Variants in IFTAP observed in about 807,000 individuals in gnomAD.
The protein encoded by IFTAP is intraflagellar transport associated protein.
IFTAP carries 19 observed loss-of-function variants against 19.4 expected under a neutral mutation model. The observed-to-expected ratio is 0.98, with a 90% confidence interval of 0.68 to 1.44. The LOEUF is 1.44. IFTAP is among the 40% of genes most tolerant of loss of function. The probability of loss-of-function intolerance (pLI) is 0.00; values close to 1 mark genes in which losing one functional copy is unlikely to be tolerated. For missense variants in IFTAP, 240 were observed against 253.6 expected, an observed-to-expected ratio of 0.95 and a Z score of 0.36; for synonymous variants, 85 against 83.5, an observed-to-expected ratio of 1.02 and a Z score of -0.10.
At chr11:36,634,056 G>A (rs1053527099) in intron 3 of IFTAP, among the ~76,000 whole-genome samples, 3 of 151,936 alleles carry the variant, frequency 2.0e-5, no homozygotes, top group African/African-American at 7.2e-5. Context: ...TTTCTAACAA[G>A]GGAACAAAAA....
At chr11:36,600,633 T>C (rs568509962) in intron 1 of IFTAP, among the ~76,000 whole-genome samples, 1 of 152,302 alleles carries the variant, frequency 6.6e-6, no homozygotes, top group East Asian at 1.9e-4. Context: ...ACATATATGA[T>C]AGTAGAATGA....
At chr11:36,643,737 A>T (rs1444405007) in intron 4 of IFTAP, among the ~76,000 whole-genome samples, 1 of 152,226 alleles carries the variant, frequency 6.6e-6, no homozygotes, top group Non-Finnish European at 1.5e-5. Context: ...AACTAAAACA[A>T]GAGATGGGGA....
chr11:36,633,035 G>A (rs534206768), intron 2 of IFTAP, among the ~76,000 whole-genome samples: 3 of 151,176 alleles, frequency 2.0e-5, no homozygotes, highest in East Asian at 1.9e-4. Context: ...TTTTAACAGC[G>A]ACCAAGAACA....
At chr11:36,636,700 T>C (rs1852966559) in intron 4 of IFTAP, among the ~76,000 whole-genome samples, 2 of 152,206 alleles carry the variant, frequency 1.3e-5, no homozygotes, top group African/African-American at 4.8e-5. Flanking sequence ...TTTTTTTGCT[T>C]TTAAAAATAT....
intron 5 of IFTAP, among the ~76,000 whole-genome samples, chr11:36,652,358 G>A (rs762462797): frequency 6.6e-6 from 1 of 152,160 alleles, no homozygotes; most frequent in Non-Finnish European, 1.5e-5. Flanking sequence ...CTGTTTGTCT[G>A]TTATTGGTGT....
chr11:36,648,090 C>G lies in IFTAP; in HGVS notation c.433C>G (p.Gln145Glu). The change falls in exon 5 of 6, where the codon CAG becomes GAG. Residue 145 changes from glutamine to glutamate, a missense_variant. Coordinates refer to ENST00000334307, the MANE Select transcript of IFTAP (RefSeq NM_138787.4). The stretch of plus-strand genomic sequence containing the variant: ...TCCTTCCTGTATCCCTTTTGTGGCC[C>G]AGCCTCCTACCTGTGAAGTGAAGCC... ...SIPSCIPFVAQPPTCEVKPKP... is the reference protein window; with the variant it reads ...SIPSCIPFVAEPPTCEVKPKP... 2 of 1,613,346 alleles carry G rather than the reference C, an allele frequency of 1.2e-6. No individual in the cohort carries two copies. Among genetic ancestry groups the G allele is most frequent in the Non-Finnish European group, 1.7e-6 (2 of 1,179,534 alleles).
intron 4 of IFTAP, 125 bp from the exon 5 acceptor site, chr11:36,647,891 T>C (rs1327712153): frequency 2.7e-6 from 3 of 1,114,166 alleles, no homozygotes. Context: ...GGACAGGCAT[T>C]GTGAAATGGA....
chr11:36,596,412 A>G (rs1300861386), intron 1 of IFTAP, among the ~76,000 whole-genome samples: 1 of 152,144 alleles, frequency 6.6e-6, no homozygotes, highest in Non-Finnish European at 1.5e-5. Flanking sequence ...CAAAGTTATG[A>G]AAACAAGCCT....
rs185579750 is a variant in IFTAP at position 36,600,792 on chromosome 11, C to T, written c.-24+6200C>T. Reference sequence around the variant, plus strand: ...AGGCAGAGTAAAACAGAGTAAACAACCTTTATCTTATGGGAAAAATAAAAA... The same window carrying T: ...AGGCAGAGTAAAACAGAGTAAACAATCTTTATCTTATGGGAAAAATAAAAA... On this transcript the variant is annotated intron_variant, in intron 1 of 5. Coordinates refer to ENST00000334307, the MANE Select transcript of IFTAP (RefSeq NM_138787.4). Among the ~76,000 whole-genome samples, 1,067 of 152,248 alleles carry T rather than the reference C, an allele frequency of 7.0e-3. 7 individuals are homozygous for T. The highest frequency in any genetic ancestry group is 0.01 in the Non-Finnish European group (693 of 68,024).
At chr11:36,641,791 C>T (rs563858870) in intron 4 of IFTAP, among the ~76,000 whole-genome samples, 39 of 152,108 alleles carry the variant, frequency 2.6e-4, no homozygotes, top group Non-Finnish European at 3.4e-4. Flanking sequence ...CTATTAGGTC[C>T]GCTTCGTGCA....
chr11:36,650,477 A>G lies in IFTAP; in HGVS notation c.498+2322A>G, dbSNP rs140274600. Among the ~76,000 whole-genome samples the G allele has an allele frequency of 4.3e-3, 652 of 151,148 alleles. 4 individuals are homozygous for G. The highest frequency in any genetic ancestry group is 0.015 in the African/African-American group (601 of 41,204). Reference sequence around the variant, plus strand: ...GTATGATCAAATCAGGGTAATTAGCATATCCATCACTTCAAACATTTAACA... The same window carrying G: ...GTATGATCAAATCAGGGTAATTAGCGTATCCATCACTTCAAACATTTAACA... On this transcript the variant is annotated intron_variant, in intron 5 of 5. Coordinates refer to ENST00000334307, the MANE Select transcript of IFTAP (RefSeq NM_138787.4).
chr11:36,618,137 T>C (rs896236356), intron 2 of IFTAP, among the ~76,000 whole-genome samples: 1 of 152,028 alleles, frequency 6.6e-6, no homozygotes, highest in Non-Finnish European at 1.5e-5. Context: ...CTGAATTGTG[T>C]GCCTCCCAAA....
chr11:36,622,090 A>ATT (rs34399300), intron 2 of IFTAP, among the ~76,000 whole-genome samples: 1 of 111,222 alleles, frequency 9.0e-6, no homozygotes, highest in African/African-American at 3.2e-5. Flanking sequence ...TCTATTTTTT[A>ATT]TTTTTTTTTT....
At chr11:36,616,591 T>G (rs1852100554) in intron 2 of IFTAP, among the ~76,000 whole-genome samples, 1 of 151,976 alleles carries the variant, frequency 6.6e-6, no homozygotes, top group Admixed American at 6.6e-5. Flanking sequence ...TTGAATAGGT[T>G]TCAGTTTTTC....
At chr11:36,633,092 T>A (rs1852791455) in intron 2 of IFTAP, among the ~76,000 whole-genome samples, 192 bp from the exon 3 acceptor site, 1 of 151,238 alleles carries the variant, frequency 6.6e-6, no homozygotes, top group African/African-American at 2.5e-5. Context: ...TTGAGTGACA[T>A]AATGTTATCT....
At position 36,648,014 on chromosome 11, in the gene IFTAP, A is replaced by G. The variant is rs1246121574; in HGVS notation, c.359-2A>G. ...TCAGTTGAAATGTTTTGTATCCAAC[A>G]GATTTGCTGCTGCTTCCAGGAGAAG... On this transcript the variant is annotated splice_acceptor_variant, in intron 4 of 5. Coordinates refer to ENST00000334307, the MANE Select transcript of IFTAP (RefSeq NM_138787.4). LOFTEE classifies it high-confidence loss of function. 1 of 1,612,208 alleles carries G rather than the reference A, an allele frequency of 6.2e-7. No homozygotes were observed. The highest frequency in any genetic ancestry group is 8.5e-7 in the Non-Finnish European group (1 of 1,179,020).
chr11:36,659,164 A>T lies in IFTAP; in HGVS notation c.644A>T (p.Asp215Val), dbSNP rs764051330. The T allele has an allele frequency of 6.3e-7, 1 of 1,588,150 alleles. No homozygotes were observed. Among genetic ancestry groups the T allele is most frequent in the Non-Finnish European group, 8.5e-7 (1 of 1,170,538 alleles). Residue 215 changes from aspartate to valine, a missense_variant, in exon 6 of 6, where the codon GAC becomes GTC. Transcript: ENST00000334307. ...CAGAAGAGAAAGGACACCAGCCCAG[A>T]CTTAGAGAAATCCTGTGACTGATTC... ...KQQKRKDTSP[D>V]LEKSCD
chr11:36,651,512 C>T (rs1853726478), intron 5 of IFTAP, among the ~76,000 whole-genome samples: 2 of 152,270 alleles, frequency 1.3e-5, no homozygotes, highest in South Asian at 4.1e-4. Flanking sequence ...TGCCTGTTCA[C>T]TCTGAGGGTA....
intron 4 of IFTAP, among the ~76,000 whole-genome samples, chr11:36,636,535 C>T (rs1242812043): frequency 1.3e-5 from 2 of 152,056 alleles, no homozygotes; most frequent in African/African-American, 4.8e-5. Context: ...GCTGTCTTGC[C>T]TGGTATTAAA....
Sources: gnomAD v4.1 joint callset for allele counts (sites outside exome capture counted in the v4.1 genomes callset) on GRCh38, gnomAD v4.1.1 for gene constraint, MANE v1.5 for transcripts, NCBI Gene and HGNC (gene_info 2026-07-23, HGNC 2026-07-21) for gene names.